The following DAPK2 variants were observed in gnomAD, a reference collection of about 807,000 sequenced individuals.
The protein encoded by DAPK2 is death-associated protein kinase 2.
DAPK2 carries 35 observed loss-of-function variants against 44.1 expected under a neutral mutation model. The observed-to-expected ratio is 0.79, with a 90% CI of 0.61 to 1.05. The LOEUF (loss-of-function observed/expected upper bound fraction) is 1.05. DAPK2 is among the 50% of genes least tolerant of loss of function. The probability of loss-of-function intolerance (pLI) is 0.00; values close to 1 mark genes in which losing one functional copy is unlikely to be tolerated. For missense variants in DAPK2, 453 were observed against 483.2 expected (o/e 0.94, Z 0.59); for synonymous variants, 174 against 182.6 (o/e 0.95, Z 0.38).
intron 3 of DAPK2, among the ~76,000 whole-genome samples, chr15:63,963,102 G>T (rs946079081): frequency 6.6e-6 from 1 of 152,176 alleles, no homozygotes; most frequent in Non-Finnish European, 1.5e-5. Context: ...ATCTCAGACT[G>T]CTGTGCTAGC....
At chr15:64,034,263 T>TC (rs1160140129) in intron 1 of DAPK2, among the ~76,000 whole-genome samples, 1 of 152,126 alleles carries the variant, frequency 6.6e-6, no homozygotes, top group African/African-American at 2.4e-5. Context: ...GTTGTTTCTT[T>TC]CCCCAAAGAA....
At chr15:63,957,427 T>A (rs1180937170) in intron 3 of DAPK2, among the ~76,000 whole-genome samples, 1 of 152,098 alleles carries the variant, frequency 6.6e-6, no homozygotes, top group African/African-American at 2.4e-5. Context: ...TACATATGTA[T>A]ACATGTGCCA....
intron 3 of DAPK2, among the ~76,000 whole-genome samples, chr15:63,944,030 G>A (rs1391129163): frequency 6.6e-6 from 1 of 152,168 alleles, no homozygotes; most frequent in African/African-American, 2.4e-5. Context: ...TTCTGGTGAT[G>A]CTTCCATGCA....
At chr15:63,913,158 C>T (rs2078840201) in intron 8 of DAPK2, among the ~76,000 whole-genome samples, 2 of 152,114 alleles carry the variant, frequency 1.3e-5, no homozygotes, top group South Asian at 4.1e-4. Context: ...CAGACATATC[C>T]GTAGAAACAA....
At chr15:64,032,601 A>T (rs1018726995) in intron 1 of DAPK2, among the ~76,000 whole-genome samples, 2 of 152,166 alleles carry the variant, frequency 1.3e-5, no homozygotes, top group African/African-American at 2.4e-5. Flanking sequence ...AGTTGCAAAG[A>T]GCAGGAAGTC....
intron 2 of DAPK2, among the ~76,000 whole-genome samples, chr15:63,972,598 G>C (rs1486173627): frequency 6.6e-6 from 1 of 152,222 alleles, no homozygotes; most frequent in East Asian, 1.9e-4. Context: ...TGGCTGAATT[G>C]TGTGTGTGCC....
chr15:63,930,522 T>C, intron 4 of DAPK2, 67 bp from the exon 6 acceptor site: 1 of 1,503,972 alleles, frequency 6.6e-7, no homozygotes, highest in Non-Finnish European at 9.2e-7. Flanking sequence ...TTTTAGGGAA[T>C]TTTAGGGAAT....
intron 1 of DAPK2, among the ~76,000 whole-genome samples, chr15:64,002,778 A>C (rs1450691291): frequency 6.6e-6 from 1 of 152,172 alleles, no homozygotes; most frequent in African/African-American, 2.4e-5. Flanking sequence ...CCCCCAACTC[A>C]CCCAATAAAC....
At chr15:63,911,917 A>G (rs1406934584) in exon 10 of DAPK2, 1 of 1,613,572 alleles carries the variant, frequency 6.2e-7, no homozygotes, top group Non-Finnish European at 8.5e-7. Context: ...CCAGGTCCTC[A>G]TCCGGCCTCA....
chr15:64,008,046 TG>T (rs1310959659), intron 1 of DAPK2, among the ~76,000 whole-genome samples: 1 of 152,102 alleles, frequency 6.6e-6, no homozygotes, highest in Non-Finnish European at 1.5e-5. Context: ...TGACTGCTAA[TG>T]GGTAAGGGGG....
intron 3 of DAPK2, among the ~76,000 whole-genome samples, chr15:63,948,393 G>C (rs1022384980): frequency 4.6e-5 from 7 of 151,546 alleles, no homozygotes. Context: ...CATGGCAGAA[G>C]GTGAAGGGAA....
intron 6 of DAPK2, among the ~76,000 whole-genome samples, chr15:63,926,383 G>A (rs962174489): frequency 1.3e-5 from 2 of 152,122 alleles, no homozygotes; most frequent in Admixed American, 6.5e-5. Flanking sequence ...TCCCCAGCAA[G>A]ACAAGCAGAA....
chr15:63,990,244 C>G lies in DAPK2; in HGVS notation c.93-6490G>C, dbSNP rs955460002. On this transcript the variant is annotated intron_variant, in intron 1 of 10. Transcript: ENST00000261891. The surrounding 1 kb of genome is among the most constrained non-coding windows in gnomAD (Gnocchi z 4.3). ...AGAGTTTGAGACCAGCCTGGGCCAA[C>G]AGGACAAAACCCCATCTCTCCTAAA... Among the ~76,000 whole-genome samples the G allele has an allele frequency of 1.0e-5, 1 of 98,880 alleles. No homozygotes were observed. The highest frequency in any genetic ancestry group is 2.6e-5 in the Non-Finnish European group (1 of 38,320). The allele number at this position is 98,880 out of a possible 152,430, so 64.9% of individuals were successfully genotyped here.
chr15:63,935,340 C>G (rs1309442448), intron 4 of DAPK2, among the ~76,000 whole-genome samples: 1 of 152,140 alleles, frequency 6.6e-6, no homozygotes, highest in Non-Finnish European at 1.5e-5. Flanking sequence ...ATCCACCCAC[C>G]TCGGCCTCCC....
In DAPK2 at chr15:63,983,520, G is replaced by C; in HGVS notation, c.314+13C>G. The C allele has an allele frequency of 6.2e-7, 1 of 1,612,382 alleles. No homozygotes were observed. The highest frequency in any genetic ancestry group is 1.7e-5 in the Admixed American group (1 of 60,014). On this transcript the variant is annotated intron_variant, in intron 2 of 10. Coordinates refer to ENST00000261891, the Ensembl canonical transcript of DAPK2. ...TGCCCCCCAACCCTGTGGGTCCTGG[G>C]GACCCCACTCACAGCTCAAGGATGA...
intron 3 of DAPK2, among the ~76,000 whole-genome samples, chr15:63,965,161 G>C (rs996652087): frequency 2.0e-5 from 3 of 152,220 alleles, no homozygotes; most frequent in African/African-American, 7.2e-5. Context: ...AGCCAAATCT[G>C]TATTAGAGGA....
At chr15:64,026,863 G>A (rs920029866) in intron 1 of DAPK2, among the ~76,000 whole-genome samples, 1 of 152,206 alleles carries the variant, frequency 6.6e-6, no homozygotes, top group African/African-American at 2.4e-5. Context: ...GAGTCTCTGA[G>A]CCTCCTTTTC....
chr15:64,019,139 C>T (rs1022721335), intron 1 of DAPK2, among the ~76,000 whole-genome samples: 6 of 152,226 alleles, frequency 3.9e-5, no homozygotes, highest in African/African-American at 1.4e-4. Flanking sequence ...TCCTCCAGAA[C>T]TGATTGCTCC....
chr15:63,975,591 ATTCTT>A (rs1474493876), intron 2 of DAPK2, among the ~76,000 whole-genome samples: 3 of 134,222 alleles, frequency 2.2e-5, no homozygotes, highest in Non-Finnish European at 4.7e-5. Flanking sequence ...ATTGCAGATG[ATTCTT>A]TTCTTTTCTT....
Sources: gnomAD v4.1 joint callset for allele counts (sites outside exome capture counted in the v4.1 genomes callset) on GRCh38, gnomAD v4.1.1 for gene constraint, Gnocchi (gnomAD v3.1) non-coding constraint, MANE v1.5 for transcripts, NCBI Gene and HGNC (gene_info 2026-07-23, HGNC 2026-07-21) for gene names.